MTHFD2L: variants seen among roughly 807,000 people sequenced by gnomAD.
MTHFD2L encodes the protein bifunctional methylenetetrahydrofolate dehydrogenase/cyclohydrolase 2, mitochondrial.
MTHFD2L carries 29 observed loss-of-function variants against 34.9 expected under a neutral mutation model. That is an observed-to-expected ratio of 0.83 (90% CI 0.62 to 1.13). The LOEUF is 1.13. Ranked by LOEUF, MTHFD2L falls within the 50% of genes most tolerant of loss-of-function variation. MTHFD2L has a pLI of 0.00. For missense variants in MTHFD2L, 481 were observed against 446.5 expected, an observed-to-expected ratio of 1.08 and a Z score of -0.70; for synonymous variants, 167 against 155.7, an observed-to-expected ratio of 1.07 and a Z score of -0.54.
chr4:74,171,458 CAT>C (rs1322420192), intron 1 of MTHFD2L, among the ~76,000 whole-genome samples: 2 of 152,152 alleles, frequency 1.3e-5, no homozygotes, highest in African/African-American at 4.8e-5. Flanking sequence ...CGTATTTAAA[CAT>C]ACACTTACGA....
intron 7 of MTHFD2L, among the ~76,000 whole-genome samples, chr4:74,295,217 T>C (rs1474885591): frequency 6.6e-6 from 1 of 152,094 alleles, no homozygotes; most frequent in African/African-American, 2.4e-5. Context: ...TCTCGCTGTT[T>C]TCATCATGTG....
At chr4:74,154,552 A>G (rs1163487448), upstream of MTHFD2L, among the ~76,000 whole-genome samples, 1 of 152,052 alleles carries the variant, frequency 6.6e-6, no homozygotes, top group Non-Finnish European at 1.5e-5. Flanking sequence ...ACTTTATTTT[A>G]CTACTCAAAT....
chr4:74,200,443 A>G (rs1380909957), intron 4 of MTHFD2L, among the ~76,000 whole-genome samples: 2 of 152,230 alleles, frequency 1.3e-5, no homozygotes, highest in Non-Finnish European at 2.9e-5. Flanking sequence ...TAGTAGTGGT[A>G]TATGTCGGCC....
chr4:74,247,086 CAATATT>C (rs1232843758), intron 6 of MTHFD2L, among the ~76,000 whole-genome samples: 1 of 146,278 alleles, frequency 6.8e-6, no homozygotes, highest in Non-Finnish European at 1.5e-5. Context: ...GCCATTTTCA[CAATATT>C]GATTCTTCCT....
intron 6 of MTHFD2L, among the ~76,000 whole-genome samples, chr4:74,272,908 C>T (rs1746174482): frequency 1.3e-5 from 2 of 152,072 alleles, no homozygotes; most frequent in Admixed American, 6.6e-5. Context: ...TCTTTCTTTG[C>T]TTATAGGACT....
intron 1 of MTHFD2L, chr4:74,160,005 G>A: frequency 8.2e-7 from 1 of 1,223,564 alleles, no homozygotes. Flanking sequence ...CGGGTGGGGA[G>A]GAATTCGGAC....
chr4:74,261,750 G>A (rs1029952741), intron 6 of MTHFD2L, among the ~76,000 whole-genome samples: 9 of 151,996 alleles, frequency 5.9e-5, no homozygotes, highest in Non-Finnish European at 1.2e-4. Context: ...AAGAAAAAGC[G>A]TAAGAAGACT....
At chr4:74,214,871 G>C (rs890804378) in intron 5 of MTHFD2L, among the ~76,000 whole-genome samples, 4 of 151,804 alleles carry the variant, frequency 2.6e-5, no homozygotes, top group African/African-American at 4.9e-5. Flanking sequence ...GCCCCTGACA[G>C]GGGCTGCTGC....
At chr4:74,134,273 C>G (rs1357907347) in intron 1 of MTHFD2L, among the ~76,000 whole-genome samples, 1 of 152,136 alleles carries the variant, frequency 6.6e-6, no homozygotes, top group East Asian at 1.9e-4. Flanking sequence ...AAAGGAGATG[C>G]CAAATCAGTA....
chr4:74,211,743 A>G (rs1442786465), intron 5 of MTHFD2L, among the ~76,000 whole-genome samples: 2 of 152,074 alleles, frequency 1.3e-5, no homozygotes, highest in Non-Finnish European at 2.9e-5. Context: ...TGTGTGGAAT[A>G]GTTTCAGAAG....
chr4:74,280,793 T>G (rs1747355337), intron 6 of MTHFD2L, among the ~76,000 whole-genome samples: 1 of 151,894 alleles, frequency 6.6e-6, no homozygotes, highest in Admixed American at 6.6e-5. Context: ...CATGACACCT[T>G]TCAGAATCAT....
chr4:74,149,557 C>T (rs535205113), intron 1 of MTHFD2L, among the ~76,000 whole-genome samples: 1 of 152,260 alleles, frequency 6.6e-6, no homozygotes, highest in African/African-American at 2.4e-5. Context: ...GAAGACTGAG[C>T]ATTATGTTGT....
At chr4:74,273,631 T>C (rs770808362) in intron 6 of MTHFD2L, among the ~76,000 whole-genome samples, 9 of 152,182 alleles carry the variant, frequency 5.9e-5, no homozygotes, top group Non-Finnish European at 1.2e-4. Flanking sequence ...TTATCTTTAG[T>C]GAAACTAAGC....
At position 74,242,200 on chromosome 4, in the gene MTHFD2L, A is replaced by AAAAAAT. The variant is rs1553916682; in HGVS notation, c.805+16810_805+16811insATAAAA. ...ATTAAAGCATATAGTAAATAAGTAA[A>AAAAAAT]AAAATAAAAACAGACTACAAAAATG... On this transcript the variant is annotated intron_variant, in intron 6 of 7. Coordinates refer to ENST00000325278, the MANE Select transcript of MTHFD2L (RefSeq NM_001144978.3). 2.0e-4 allele frequency: 31 copies of AAAAAAT among 151,724 alleles called. No individual in the cohort carries two copies. The East Asian group carries it at 5.2e-3, about 26-fold the overall frequency. 9.4% of individuals were successfully genotyped at this position (151,724 alleles called of 1,614,324 possible).
chr4:74,188,527 G>A (rs181731494), intron 3 of MTHFD2L, among the ~76,000 whole-genome samples: 93 of 152,044 alleles, frequency 6.1e-4, no homozygotes, highest in African/African-American at 2.1e-3. Context: ...TATGAATTTC[G>A]GGGGGACATA....
chr4:74,130,773 A>G (rs181012181), intron 1 of MTHFD2L, among the ~76,000 whole-genome samples: 430 of 152,294 alleles, frequency 2.8e-3, no homozygotes, highest in Non-Finnish European at 4.0e-3. Context: ...AGGGTATTCA[A>G]ATAGGAATAG....
At chr4:74,263,727 G>C (rs887228866) in intron 6 of MTHFD2L, among the ~76,000 whole-genome samples, 1 of 151,936 alleles carries the variant, frequency 6.6e-6, no homozygotes, top group South Asian at 2.1e-4. Flanking sequence ...AAGCTTTCTG[G>C]CTGAGACTGT....
chr4:74,161,194 T>G (rs1725385626), intron 1 of MTHFD2L: 1 of 152,264 alleles, frequency 6.6e-6, no homozygotes, highest in African/African-American at 2.4e-5. Context: ...TTTTTGGAAC[T>G]AGTAAAAGAT....
chr4:74,140,618 C>CT (rs1723219962), intron 1 of MTHFD2L: 1 of 811,266 alleles, frequency 1.2e-6, no homozygotes, highest in Non-Finnish European at 1.5e-6. Flanking sequence ...TCTCACACTG[C>CT]TATAAGGACA....
Sources: allele counts gnomAD v4.1 joint callset (sites outside exome capture counted in the v4.1 genomes callset), GRCh38; gene constraint gnomAD v4.1.1; transcripts MANE v1.5; gene names NCBI Gene and HGNC (gene_info 2026-07-23, HGNC 2026-07-21).